SOCS4: variants seen among roughly 807,000 people sequenced by gnomAD.
SOCS4 encodes the protein suppressor of cytokine signaling 4.
In SOCS4, 20 loss-of-function variants were observed where a neutral mutation model predicts 34.1. The ratio of observed to expected loss-of-function variants is 0.59; its 90% CI spans 0.41 to 0.85. The LOEUF is 0.85. SOCS4 is among the 40% of genes least tolerant of loss of function. The pLI is 0.00. For missense variants in SOCS4, 479 were observed against 532.4 expected, an observed-to-expected ratio of 0.90 and a Z score of 0.99; for synonymous variants, 180 against 186.4, an observed-to-expected ratio of 0.97 and a Z score of 0.28.
Position 55,047,041 on chromosome 14 carries a change from G to A in SOCS4, c.*2677G>A, listed in dbSNP as rs779607672. On this transcript the variant is annotated 3_prime_UTR_variant, in exon 3 of 3. Coordinates refer to ENST00000555846, the MANE Select transcript of SOCS4 (RefSeq NM_199421.2). ...TAAATTTGTCTAAAATTTTATAACT[G>A]TTGAACAAAGGGAAGATTTGAACAG... is the stretch of plus-strand genomic sequence containing the variant. 4.8e-5 allele frequency: 8 copies of A among 167,024 alleles called. No individual in the cohort carries two copies. The highest frequency in any genetic ancestry group is 8.8e-5 in the Non-Finnish European group (6 of 68,090). 10.3% of individuals were successfully genotyped at this position (167,024 alleles called of 1,614,324 possible).
At chr14:55,029,841 T>G (rs919534171) in intron 1 of SOCS4, among the ~76,000 whole-genome samples, 3 of 152,160 alleles carry the variant, frequency 2.0e-5, no homozygotes, top group Non-Finnish European at 4.4e-5. Context: ...CTTGTCTGTA[T>G]GTATACTTAA....
At position 55,044,409 on chromosome 14, in the gene SOCS4, T is replaced by C; in HGVS notation, c.*45T>C. On this transcript the variant is annotated 3_prime_UTR_variant, in exon 3 of 3. Transcript: ENST00000555846. Reference sequence around the variant, plus strand: ...GAATGATAATATATATTTTTTCTTTTAATATTTTATTTTTCTTTTTATGCC... The same window carrying C: ...GAATGATAATATATATTTTTTCTTTCAATATTTTATTTTTCTTTTTATGCC... 7.8e-7 allele frequency: 1 copy of C among 1,281,196 alleles called. No homozygotes were observed. Among genetic ancestry groups the C allele is most frequent in the Non-Finnish European group, 1.0e-6 (1 of 998,262 alleles). The allele number at this position is 1,281,196 out of a possible 1,614,324, so 79.4% of individuals were successfully genotyped here.
intron 2 of SOCS4, among the ~76,000 whole-genome samples, chr14:55,037,081 G>A (rs1410475201): frequency 6.6e-6 from 1 of 151,782 alleles, no homozygotes; most frequent in African/African-American, 2.4e-5. Context: ...CAGTGCCACT[G>A]TACTCCAGCC....
rs1477593174 is a variant in SOCS4 at position 55,046,319 on chromosome 14, G to T, written c.*1955G>T. The T allele has an allele frequency of 6.0e-6, 1 of 166,702 alleles. No individual in the cohort carries two copies. The highest frequency in any genetic ancestry group is 1.5e-5 in the Non-Finnish European group (1 of 67,976). The allele number at this position is 166,702 out of a possible 1,614,324, so 10.3% of individuals were successfully genotyped here. On this transcript the variant is annotated 3_prime_UTR_variant, in exon 3 of 3. Transcript: ENST00000555846. ...GGTGAAAGAAAATAGTGTGGTAAGA[G>T]TACCCATGATTATAGTTTTTTATCA... is the stretch of plus-strand genomic sequence containing the variant.
In SOCS4 at chr14:55,046,792, GACTT is replaced by G; in HGVS notation, c.*2429_*2432del. On this transcript the variant is annotated 3_prime_UTR_variant, in exon 3 of 3. Coordinates refer to ENST00000555846, the MANE Select transcript of SOCS4 (RefSeq NM_199421.2). ...GAAGTTTGGAAAGTAGATACATAAAGACTTGAGAAGGGAATTGTTTAAGGGAAAA... is the reference window on the plus strand; with the variant it reads ...GAAGTTTGGAAAGTAGATACATAAAGGAGAAGGGAATTGTTTAAGGGAAAA... The G allele has an allele frequency of 6.0e-6, 1 of 167,074 alleles. No individual in the cohort carries two copies. The highest frequency in any genetic ancestry group is 2.4e-5 in the African/African-American group (1 of 41,546). 10.3% of individuals were successfully genotyped at this position (167,074 alleles called of 1,614,324 possible). A position where few individuals can be genotyped will look rare whatever the true frequency, so the allele number is the denominator to read the frequency against.
At position 55,027,406 on chromosome 14, in the gene SOCS4, C is replaced by T. The variant is rs897062213; in HGVS notation, c.-285C>T. ...TCCCCTCTCCACTTAAGCAAGCGCCCAGACTGATGGCGATGGTGATGGCAG... is the reference window on the plus strand; with the variant it reads ...TCCCCTCTCCACTTAAGCAAGCGCCTAGACTGATGGCGATGGTGATGGCAG... On this transcript the variant is annotated 5_prime_UTR_variant, in exon 1 of 3. Coordinates refer to ENST00000555846, the MANE Select transcript of SOCS4 (RefSeq NM_199421.2). 6.5e-6 allele frequency: 1 copy of T among 154,642 alleles called. No homozygotes were observed. The highest frequency in any genetic ancestry group is 2.4e-5 in the African/African-American group (1 of 41,484). 9.6% of individuals were successfully genotyped at this position (154,642 alleles called of 1,614,324 possible). A position where few individuals can be genotyped will look rare whatever the true frequency, so the allele number is the denominator to read the frequency against.
intron 2 of SOCS4, among the ~76,000 whole-genome samples, chr14:55,036,662 A>G (rs1389130928): frequency 6.6e-6 from 1 of 151,892 alleles, no homozygotes; most frequent in East Asian, 1.9e-4. Context: ...GAAATTTTCT[A>G]ATATAGTTTC....
chr14:55,031,240 C>G (rs1399797835), intron 1 of SOCS4, among the ~76,000 whole-genome samples: 1 of 152,102 alleles, frequency 6.6e-6, no homozygotes, highest in Non-Finnish European at 1.5e-5. Flanking sequence ...GTAGTTTCTG[C>G]TTTCTTCACT....
chr14:55,035,879 G>A (rs768508683), intron 2 of SOCS4, among the ~76,000 whole-genome samples: 1 of 149,912 alleles, frequency 6.7e-6, no homozygotes, highest in African/African-American at 2.5e-5. Context: ...ATAAAAATTG[G>A]CCATTTCCAA....
At chr14:55,034,859 GTT>G (rs755547542) in intron 2 of SOCS4, among the ~76,000 whole-genome samples, 7 of 131,748 alleles carry the variant, frequency 5.3e-5, no homozygotes, top group Non-Finnish European at 9.8e-5. Context: ...CTCTCTCTCT[GTT>G]TTTTTTTTTT....
In SOCS4 at chr14:55,027,348, A is replaced by ACCG; in HGVS notation, c.-343_-342insCCG. 1 of 170,386 alleles carries ACCG rather than the reference A, an allele frequency of 5.9e-6. No homozygotes were observed. The highest frequency in any genetic ancestry group is 1.3e-5 in the Non-Finnish European group (1 of 78,198). The allele number at this position is 170,386 out of a possible 1,614,324, so 10.6% of individuals were successfully genotyped here. A position where few individuals can be genotyped will look rare whatever the true frequency, so the allele number is the denominator to read the frequency against. On this transcript the variant is annotated 5_prime_UTR_variant, in exon 1 of 3. It removes the in-frame stop codon of an upstream open reading frame in the 5' UTR. Coordinates refer to ENST00000555846, the MANE Select transcript of SOCS4 (RefSeq NM_199421.2). ...GGTGGCAGAAAAGCATCTGCTTTGTAAGACCTACACGAGGTGCAGGAGTGG... is the reference window on the plus strand; with the variant it reads ...GGTGGCAGAAAAGCATCTGCTTTGTACCGAGACCTACACGAGGTGCAGGAGTGG...
At position 55,044,467 on chromosome 14, in the gene SOCS4, C is replaced by A; in HGVS notation, c.*103C>A. 2.3e-6 allele frequency: 2 copies of A among 874,312 alleles called. No homozygotes were observed. Among genetic ancestry groups the A allele is most frequent in the Non-Finnish European group, 3.1e-6 (2 of 644,770 alleles). The allele number at this position is 874,312 out of a possible 1,614,324, so 54.2% of individuals were successfully genotyped here. A position where few individuals can be genotyped will look rare whatever the true frequency, so the allele number is the denominator to read the frequency against. On this transcript the variant is annotated 3_prime_UTR_variant, in exon 3 of 3. Coordinates refer to ENST00000555846, the MANE Select transcript of SOCS4 (RefSeq NM_199421.2). ...ATTTTTCTACAAAGGCAGTGGTGTC[C>A]AAAATAAAATCTCTGCCCTAAATTT...
intron 1 of SOCS4, chr14:55,027,817 GAAGA>G: frequency 6.6e-6 from 1 of 152,348 alleles, no homozygotes; most frequent in South Asian, 2.1e-4. Context: ...TATCCGTTAT[GAAGA>G]AAGTAACTTG....
chr14:55,040,559 A>C (rs1344260495), intron 2 of SOCS4, among the ~76,000 whole-genome samples: 1 of 152,156 alleles, frequency 6.6e-6, no homozygotes, highest in East Asian at 1.9e-4. Context: ...CCTGGCTAAC[A>C]CAGTGAAACC....
chr14:55,028,986 G>A (rs187599190), intron 1 of SOCS4, among the ~76,000 whole-genome samples: 2 of 152,264 alleles, frequency 1.3e-5, no homozygotes, highest in East Asian at 3.9e-4. Flanking sequence ...GGTGCTTTGG[G>A]TGGGTATTTA....
intron 1 of SOCS4, among the ~76,000 whole-genome samples, chr14:55,030,939 C>T (rs1164296906): frequency 1.3e-5 from 2 of 151,940 alleles, no homozygotes; most frequent in African/African-American, 2.4e-5. Context: ...TAATTGGTCT[C>T]ACAAGAAAAA....
At position 55,045,636 on chromosome 14, in the gene SOCS4, T is replaced by G. The variant is rs2042668739; in HGVS notation, c.*1272T>G. On this transcript the variant is annotated 3_prime_UTR_variant, in exon 3 of 3. Transcript: ENST00000555846. ...CAGGGCAACGTTTTTAGAAACATCT[T>G]TAGCCCAAAGTAACTAGTAAAAATA... is the stretch of plus-strand genomic sequence containing the variant. 1 of 166,886 alleles carries G rather than the reference T, an allele frequency of 6.0e-6. No individual in the cohort carries two copies. The highest frequency in any genetic ancestry group is 1.5e-5 in the Non-Finnish European group (1 of 68,024). The allele number at this position is 166,886 out of a possible 1,614,324, so 10.3% of individuals were successfully genotyped here. A position where few individuals can be genotyped will look rare whatever the true frequency, so the allele number is the denominator to read the frequency against.
At chr14:55,033,296 A>G (rs532383404) in intron 2 of SOCS4, among the ~76,000 whole-genome samples, 1 of 152,166 alleles carries the variant, frequency 6.6e-6, no homozygotes, top group Non-Finnish European at 1.5e-5. Flanking sequence ...TGAAAGCAAC[A>G]TGATTGATTT....
At chr14:55,031,556 C>A (rs146191400) in intron 1 of SOCS4, among the ~76,000 whole-genome samples, 10 of 152,140 alleles carry the variant, frequency 6.6e-5, no homozygotes, top group Non-Finnish European at 1.3e-4. Flanking sequence ...TCTTTCAGAA[C>A]TAGTGTCCAC....
Sources: gnomAD v4.1 joint callset for allele counts (sites outside exome capture counted in the v4.1 genomes callset) on GRCh38, gnomAD v4.1.1 for gene constraint, MANE v1.5 for transcripts, NCBI Gene and HGNC (gene_info 2026-07-23, HGNC 2026-07-21) for gene names.